Variants in SORCS1 observed in about 807,000 individuals in gnomAD.
SORCS1 encodes sortilin related VPS10 domain containing receptor 1, also known as VPS10 domain-containing receptor SorCS1.
Under a neutral mutation model 146.1 loss-of-function variants are expected in SORCS1, and 60 were observed. That is an observed-to-expected ratio of 0.41 (90% CI 0.33 to 0.51). SORCS1 has a LOEUF of 0.51. SORCS1 is among the 20% of genes least tolerant of loss of function. SORCS1 has a pLI of 0.21. For missense variants in SORCS1, 1,352 were observed against 1,487.6 expected (o/e 0.91, Z 1.50); for synonymous variants, 637 against 584.0 (o/e 1.09, Z -1.31).
chr10:106,717,807 G>A (rs370944576), intron 6 of SORCS1, among the ~76,000 whole-genome samples: 14 of 152,158 alleles, frequency 9.2e-5, no homozygotes, highest in East Asian at 1.9e-4. Context: ...CATGGTGAGC[G>A]CATTCTAGGA....
In SORCS1 at chr10:106,891,504, C is replaced by CTTTTTTTTTTTT. The variant is rs760812204; in HGVS notation, c.627-61843_627-61832dup. Among the ~76,000 whole-genome samples the CTTTTTTTTTTTT allele has an allele frequency of 1.1e-3, 110 of 97,208 alleles. 12 individuals carry two copies. Among genetic ancestry groups the CTTTTTTTTTTTT allele is most frequent in the African/African-American group, 3.3e-3 (93 of 27,972 alleles). 63.8% of individuals were successfully genotyped at this position (97,208 alleles called of 152,430 possible). ...GTAATCAGAAGTTTCAATGGGAATTCTTTTTTTTTTTTTGAGAAAAGACCT... is the reference window on the plus strand; with the variant it reads ...GTAATCAGAAGTTTCAATGGGAATTCTTTTTTTTTTTTTTTTTTTTTTTTTGAGAAAAGACCT... On this transcript the variant is annotated intron_variant, in intron 2 of 25. Coordinates refer to ENST00000263054, the MANE Select transcript of SORCS1 (RefSeq NM_052918.5).
chr10:107,157,802 A>G (rs537901563), intron 1 of SORCS1, among the ~76,000 whole-genome samples: 5 of 152,276 alleles, frequency 3.3e-5, no homozygotes, highest in African/African-American at 1.2e-4. Flanking sequence ...CCTTGACAGG[A>G]ACCACTGCAC....
intron 5 of SORCS1, among the ~76,000 whole-genome samples, chr10:106,758,724 G>C (rs1176444852): frequency 6.6e-6 from 1 of 152,056 alleles, no homozygotes; most frequent in East Asian, 1.9e-4. Context: ...TCATGAATAC[G>C]ATACAAAATT....
intron 22 of SORCS1, among the ~76,000 whole-genome samples, chr10:106,609,046 T>C (rs750909233): frequency 6.6e-5 from 10 of 152,110 alleles, no homozygotes; most frequent in Non-Finnish European, 1.3e-4. Flanking sequence ...GAGATCTGGG[T>C]GGTGCATCTC....
At chr10:106,641,802 A>T (rs951179632) in intron 18 of SORCS1, among the ~76,000 whole-genome samples, 2 of 152,020 alleles carry the variant, frequency 1.3e-5, no homozygotes, top group Non-Finnish European at 2.9e-5. Flanking sequence ...ATAATTTATT[A>T]TATTTAGATA....
At chr10:106,940,754 C>T (rs2138740423) in intron 2 of SORCS1, among the ~76,000 whole-genome samples, 1 of 152,282 alleles carries the variant, frequency 6.6e-6, no homozygotes, top group East Asian at 1.9e-4. Context: ...TATGGTGGCA[C>T]ATGGCTGTAA....
At chr10:106,760,493 T>C (rs1859011309) in intron 5 of SORCS1, among the ~76,000 whole-genome samples, 1 of 150,346 alleles carries the variant, frequency 6.7e-6, no homozygotes, top group African/African-American at 2.4e-5. Context: ...GCTCTCTCTT[T>C]CTACCATGTA....
intron 1 of SORCS1, among the ~76,000 whole-genome samples, chr10:107,081,095 C>A (rs1298773893): frequency 6.6e-6 from 1 of 152,178 alleles, no homozygotes; most frequent in Non-Finnish European, 1.5e-5. Flanking sequence ...ACCATAACTG[C>A]AGTTCAGTTT....
At chr10:107,010,457 G>C (rs1957649950) in intron 1 of SORCS1, among the ~76,000 whole-genome samples, 1 of 151,626 alleles carries the variant, frequency 6.6e-6, no homozygotes, top group Non-Finnish European at 1.5e-5. Flanking sequence ...TAGTTTCTCT[G>C]AATGAGTTCT....
chr10:106,806,211 T>C (rs1470616070), intron 3 of SORCS1, among the ~76,000 whole-genome samples: 2 of 145,932 alleles, frequency 1.4e-5, no homozygotes, highest in African/African-American at 5.1e-5. Flanking sequence ...CTACTAAAAA[T>C]GCAAAAATTA....
the SORCS1 span, among the ~76,000 whole-genome samples, chr10:107,172,387 A>T: frequency 1.1e-4 from 17 of 152,290 alleles, no homozygotes; most frequent in Admixed American, 8.5e-4. Context: ...TTATCCACAG[A>T]CTTTTAAAGG....
intron 2 of SORCS1, among the ~76,000 whole-genome samples, chr10:106,910,409 G>T (rs1273731726): frequency 6.6e-6 from 1 of 151,984 alleles, no homozygotes; most frequent in Non-Finnish European, 1.5e-5. Context: ...TTATGGGGTT[G>T]CATGAAGCTT....
intron 17 of SORCS1, among the ~76,000 whole-genome samples, chr10:106,662,580 G>T (rs1403319384): frequency 1.3e-5 from 2 of 152,286 alleles, no homozygotes; most frequent in East Asian, 3.9e-4. Flanking sequence ...TACAGATTCT[G>T]CACTGACTGA....
chr10:107,154,990 T>C (rs11193220), intron 1 of SORCS1, among the ~76,000 whole-genome samples: 5,745 of 152,274 alleles, frequency 0.038, 254 homozygotes, highest in African/African-American at 0.11. Context: ...TAGTGGATAG[T>C]AGAGTCGGCA....
At chr10:106,792,936 T>A (rs892593509) in intron 3 of SORCS1, among the ~76,000 whole-genome samples, 4 of 152,216 alleles carry the variant, frequency 2.6e-5, no homozygotes, top group Admixed American at 6.5e-5. Flanking sequence ...GAAAATTTCA[T>A]TCTTTGTGGG....
intron 1 of SORCS1, among the ~76,000 whole-genome samples, chr10:107,035,289 A>AC (rs1958858424): frequency 6.7e-6 from 1 of 150,354 alleles, no homozygotes; most frequent in Non-Finnish European, 1.5e-5. Context: ...CAAAAAAAAA[A>AC]ACACAGAAAA....
At chr10:106,838,165 A>T (rs765397214) in intron 2 of SORCS1, among the ~76,000 whole-genome samples, 2 of 152,194 alleles carry the variant, frequency 1.3e-5, no homozygotes, top group African/African-American at 4.8e-5. Flanking sequence ...TTTGGCAAGG[A>T]CTTTTGGCTA....
chr10:107,009,713 T>G (rs1957615213), intron 1 of SORCS1, among the ~76,000 whole-genome samples: 3 of 152,198 alleles, frequency 2.0e-5, no homozygotes, highest in South Asian at 4.1e-4. Flanking sequence ...AATATCACAA[T>G]CTCATAATAT....
At chr10:106,776,484 T>C (rs1366443803) in intron 4 of SORCS1, 50 bp downstream of exon 4, 2 of 1,603,678 alleles carry the variant, frequency 1.2e-6, no homozygotes, top group South Asian at 1.1e-5. Flanking sequence ...TAGCACTATT[T>C]TCCCCGGAGA....
Sources: allele counts gnomAD v4.1 joint callset (sites outside exome capture counted in the v4.1 genomes callset), GRCh38; gene constraint gnomAD v4.1.1; transcripts MANE v1.5; gene names NCBI Gene and HGNC (gene_info 2026-07-23, HGNC 2026-07-21).